The following FGF14 variants were observed in gnomAD, a reference collection of about 807,000 sequenced individuals.
FGF14 encodes the protein fibroblast growth factor 14.
Under a neutral mutation model 25.5 loss-of-function variants are expected in FGF14, and 5 were observed. That is an observed-to-expected ratio of 0.20 (90% CI 0.10 to 0.41). The LOEUF is 0.41. Ranked by LOEUF, FGF14 falls within the 10% of genes least tolerant of loss-of-function variation. The pLI is 1.00. For synonymous variants in FGF14, 138 were observed against 118.3 expected (o/e 1.17, Z -1.08); for missense variants, 222 against 320.1 (o/e 0.69, Z 2.34).
intron 1 of FGF14, among the ~76,000 whole-genome samples, chr13:102,084,790 G>T (rs760731006): frequency 3.9e-5 from 6 of 152,164 alleles, no homozygotes; most frequent in Non-Finnish European, 7.3e-5. Context: ...GAGCCTCCTT[G>T]TCCAGGTGTG....
rs545932251 is a variant in FGF14, at chr13:102,124,870, T to C, written c.209-249574A>G. On this transcript the variant is annotated intron_variant, in intron 1 of 4. Transcript: ENST00000376131. ...AGCTTATGATGGTATATAAAATTCT[T>C]ATCTTTACCTTCCTTCTCTCTATAT... is the stretch of plus-strand genomic sequence containing the variant. 3.3e-5 allele frequency among the ~76,000 whole-genome samples: 5 copies of C among 152,246 alleles called. No individual in the cohort carries two copies. In the South Asian group the frequency reaches 1.0e-3, roughly 32 times the overall value.
chr13:101,720,581 TGTGAA>T lies in FGF14; in HGVS notation c.*2245_*2249del, dbSNP rs1391348460. 1.6e-4 allele frequency: 24 copies of T among 151,724 alleles called. No homozygotes were observed. The South Asian group carries it at 1.9e-3, about 12-fold the overall frequency. 9.4% of individuals were successfully genotyped at this position (151,724 alleles called of 1,614,324 possible). A position where few individuals can be genotyped will look rare whatever the true frequency, so the allele number is the denominator to read the frequency against. Reference sequence around the variant, plus strand: ...GTGTGTGTGTATATGTGTGTGTTTGTGTGAAGTGAAGTGTTGCTGCTGTAAGTAGT... The same window carrying T: ...GTGTGTGTGTATATGTGTGTGTTTGTGTGAAGTGTTGCTGCTGTAAGTAGT... On this transcript the variant is annotated 3_prime_UTR_variant, in exon 5 of 5. Coordinates refer to ENST00000376143, the MANE Select transcript of FGF14 (RefSeq NM_004115.4).
At chr13:102,168,543 GC>G (rs2048115019) in intron 1 of FGF14, among the ~76,000 whole-genome samples, 1 of 152,084 alleles carries the variant, frequency 6.6e-6, no homozygotes, top group African/African-American at 2.4e-5. Context: ...GGGTTTTAGA[GC>G]AGGGCTACCC....
chr13:101,884,009 G>A (rs576403056), intron 1 of FGF14, among the ~76,000 whole-genome samples: 1 of 126,724 alleles, frequency 7.9e-6, no homozygotes, highest in Non-Finnish European at 1.5e-5. Flanking sequence ...GTTGCAGTGA[G>A]CCCAGATCGC....
chr13:102,111,613 G>A (rs1416209551), intron 1 of FGF14, among the ~76,000 whole-genome samples: 1 of 152,066 alleles, frequency 6.6e-6, no homozygotes, highest in Admixed American at 6.6e-5. Context: ...CTACTCGGGA[G>A]GCTGAGGCAG....
intron 1 of FGF14, among the ~76,000 whole-genome samples, chr13:102,111,164 C>T (rs991422708): frequency 1.3e-5 from 2 of 152,156 alleles, no homozygotes; most frequent in African/African-American, 4.8e-5. Context: ...GCTTCCTCCA[C>T]ACCCCTCAGC....
chr13:102,035,673 T>G (rs758396065), intron 1 of FGF14, among the ~76,000 whole-genome samples: 26 of 152,336 alleles, frequency 1.7e-4, no homozygotes, highest in Non-Finnish European at 2.5e-4. Flanking sequence ...GCTATATTTC[T>G]GTAATAACAT....
intron 3 of FGF14, among the ~76,000 whole-genome samples, chr13:101,845,383 C>T (rs142806311): frequency 1.3e-5 from 2 of 152,042 alleles, no homozygotes; most frequent in Non-Finnish European, 2.9e-5. Flanking sequence ...ATTATAACAG[C>T]TGGGTAGGGA....
intron 3 of FGF14, among the ~76,000 whole-genome samples, chr13:101,785,365 A>C (rs201657020): frequency 9.7e-5 from 14 of 144,894 alleles, no homozygotes; most frequent in African/African-American, 1.8e-4. Context: ...AAAAAAAAAA[A>C]CCCAAACCAA....
chr13:102,299,110 G>A (rs960189512), intron 1 of FGF14, among the ~76,000 whole-genome samples: 7 of 152,032 alleles, frequency 4.6e-5, no homozygotes, highest in South Asian at 4.2e-4. Context: ...CATTCTAATC[G>A]AAGTTGAATA....
intron 1 of FGF14, among the ~76,000 whole-genome samples, chr13:102,144,056 C>T (rs2046753973): frequency 6.6e-6 from 1 of 152,098 alleles, no homozygotes; most frequent in South Asian, 2.1e-4. Context: ...CTCTCTGTTG[C>T]CCCGGCTGGA....
chr13:101,885,820 T>A (rs1171039994), intron 1 of FGF14, among the ~76,000 whole-genome samples: 1 of 151,924 alleles, frequency 6.6e-6, no homozygotes, highest in Non-Finnish European at 1.5e-5. Flanking sequence ...AGGTTTCAAG[T>A]GAATGCCATG....
At position 102,062,726 on chromosome 13, in the gene FGF14, A is replaced by G. The variant is rs190719069; in HGVS notation, c.209-187430T>C. Reference sequence around the variant, plus strand: ...TGTAAAATATCATGCCAACTTACACAATCTGTTCCATAGCCAGGCTATTCT... The same window carrying G: ...TGTAAAATATCATGCCAACTTACACGATCTGTTCCATAGCCAGGCTATTCT... On this transcript the variant is annotated intron_variant, in intron 1 of 4. Transcript: ENST00000376131. Among the ~76,000 whole-genome samples the G allele has an allele frequency of 3.9e-5, 6 of 152,326 alleles. No individual in the cohort carries two copies. The East Asian group carries it at 9.6e-4, about 24-fold the overall frequency.
intron 1 of FGF14, among the ~76,000 whole-genome samples, chr13:102,007,826 G>C (rs1015423561): frequency 6.6e-6 from 1 of 152,178 alleles, no homozygotes; most frequent in Non-Finnish European, 1.5e-5. Flanking sequence ...ATATAATAAT[G>C]AGAAAGCTAT....
intron 3 of FGF14, among the ~76,000 whole-genome samples, chr13:101,778,659 C>T (rs897805357): frequency 1.3e-5 from 2 of 152,140 alleles, no homozygotes; most frequent in Non-Finnish European, 2.9e-5. Flanking sequence ...CCCCACCTGG[C>T]TCTTTAGGCC....
intron 1 of FGF14, among the ~76,000 whole-genome samples, chr13:102,011,126 T>G (rs2040056468): frequency 6.6e-6 from 1 of 152,226 alleles, no homozygotes; most frequent in Admixed American, 6.5e-5. Context: ...ACATTGTTTT[T>G]GTTATATTGC....
intron 1 of FGF14, among the ~76,000 whole-genome samples, chr13:101,934,605 T>C (rs1356949382): frequency 1.3e-5 from 2 of 152,238 alleles, no homozygotes; most frequent in Non-Finnish European, 2.9e-5. Flanking sequence ...AATAAAGTGC[T>C]ATTCAAAATA....
chr13:101,972,467 CAT>C (rs1300594864), intron 1 of FGF14, among the ~76,000 whole-genome samples: 1 of 152,174 alleles, frequency 6.6e-6, no homozygotes, highest in East Asian at 1.9e-4. Context: ...CTGAAAAACA[CAT>C]TGTTACTGAC....
intron 1 of FGF14, among the ~76,000 whole-genome samples, chr13:102,362,435 T>G (rs2057593580): frequency 6.6e-6 from 1 of 152,206 alleles, no homozygotes; most frequent in Non-Finnish European, 1.5e-5. Context: ...ATGAGCATAA[T>G]TCAAGGTAAG....
Sources: allele counts gnomAD v4.1 joint callset (sites outside exome capture counted in the v4.1 genomes callset), GRCh38; gene constraint gnomAD v4.1.1; transcripts MANE v1.5; gene names NCBI Gene and HGNC (gene_info 2026-07-23, HGNC 2026-07-21).